NOX4: variants seen among roughly 807,000 people sequenced by gnomAD.
The protein encoded by NOX4 is NADPH oxidase 4.
Under a neutral mutation model 87.6 loss-of-function variants are expected in NOX4, and 69 were observed. The observed-to-expected ratio is 0.79, with a 90% CI of 0.65 to 0.96. NOX4 has a LOEUF of 0.96. NOX4 is among the 40% of genes least tolerant of loss of function. The pLI, the probability that NOX4 is intolerant of heterozygous loss-of-function variation, is 0.00. For synonymous variants in NOX4, 275 were observed against 238.2 expected (o/e 1.15, Z -1.42); for missense variants, 680 against 681.5 (o/e 1.00, Z 0.02).
the NOX4 span, among the ~76,000 whole-genome samples, chr11:89,525,002 C>A: frequency 6.6e-6 from 1 of 151,978 alleles, no homozygotes. Context: ...AAGATTAATA[C>A]AAACTGTTAT....
the NOX4 span, chr11:89,545,111 T>C: frequency 6.6e-6 from 1 of 152,170 alleles, no homozygotes; most frequent in Non-Finnish European, 1.5e-5. Flanking sequence ...ATAGCTTTCA[T>C]TTTTTGTCCC....
intron 16 of NOX4, among the ~76,000 whole-genome samples, chr11:89,336,451 T>A (rs1331765077): frequency 6.6e-6 from 1 of 151,960 alleles, no homozygotes; most frequent in Non-Finnish European, 1.5e-5. Context: ...TACTACAAAT[T>A]GTCATCGTAA....
At chr11:89,477,716 G>C (rs919859540) in intron 2 of NOX4, among the ~76,000 whole-genome samples, 1 of 152,014 alleles carries the variant, frequency 6.6e-6, no homozygotes, top group Non-Finnish European at 1.5e-5. Flanking sequence ...ATAATTCACT[G>C]TTACTCTCCT....
chr11:89,455,594 G>C (rs1945158272), intron 2 of NOX4, among the ~76,000 whole-genome samples: 1 of 151,920 alleles, frequency 6.6e-6, no homozygotes, highest in African/African-American at 2.4e-5. Flanking sequence ...TACAATCTTT[G>C]TGGTTATTTT....
At chr11:89,429,148 TC>T (rs1203141022) in intron 7 of NOX4, among the ~76,000 whole-genome samples, 1 of 152,130 alleles carries the variant, frequency 6.6e-6, no homozygotes, top group Non-Finnish European at 1.5e-5. Context: ...ATAAAGATAT[TC>T]TTTGAAAACA....
chr11:89,513,781 G>A, the NOX4 span, among the ~76,000 whole-genome samples: 1 of 151,984 alleles, frequency 6.6e-6, no homozygotes, highest in Non-Finnish European at 1.5e-5. Context: ...AGATGGATGA[G>A]TAATCTGCTG....
chr11:89,501,019 C>T (rs1300021795), upstream of NOX4, among the ~76,000 whole-genome samples: 1 of 151,938 alleles, frequency 6.6e-6, no homozygotes, highest in Non-Finnish European at 1.5e-5. Flanking sequence ...TATGCCATTA[C>T]AAAACATATG....
chr11:89,584,893 T>C, the NOX4 span, among the ~76,000 whole-genome samples: 1 of 152,156 alleles, frequency 6.6e-6, no homozygotes. Flanking sequence ...AGATTGCTCA[T>C]ATACAATGAT....
At chr11:89,542,298 A>G in the NOX4 span, among the ~76,000 whole-genome samples, 5 of 152,346 alleles carry the variant, frequency 3.3e-5, no homozygotes, top group East Asian at 9.6e-4. Flanking sequence ...TATTATATCT[A>G]TTATATGTCT....
At chr11:89,435,995 T>C (rs1944063166) in intron 6 of NOX4, among the ~76,000 whole-genome samples, 2 of 152,152 alleles carry the variant, frequency 1.3e-5, no homozygotes, top group Admixed American at 1.3e-4. Flanking sequence ...AAGCATACTA[T>C]AATCAGAGTG....
intron 13 of NOX4, among the ~76,000 whole-genome samples, chr11:89,344,177 T>C (rs1946120464): frequency 6.6e-6 from 1 of 151,606 alleles, no homozygotes; most frequent in African/African-American, 2.4e-5. Context: ...CAACATTTAA[T>C]GTTCATATAA....
intron 7 of NOX4, among the ~76,000 whole-genome samples, chr11:89,425,127 C>A (rs1030218223): frequency 6.6e-6 from 1 of 151,962 alleles, no homozygotes; most frequent in Non-Finnish European, 1.5e-5. Context: ...GTCAGATGCT[C>A]TAATTTTCCT....
the NOX4 span, among the ~76,000 whole-genome samples, chr11:89,535,752 T>G: frequency 6.6e-6 from 1 of 152,090 alleles, no homozygotes; most frequent in East Asian, 1.9e-4. Flanking sequence ...TCCAAATTAA[T>G]AATTATAAAC....
the NOX4 span, among the ~76,000 whole-genome samples, chr11:89,522,847 CA>C: frequency 6.6e-6 from 1 of 152,042 alleles, no homozygotes; most frequent in African/African-American, 2.4e-5. Context: ...ATTCAGAAGG[CA>C]AAAGGGAAAC....
At chr11:89,352,629 CA>C (rs1481637525) in intron 13 of NOX4, among the ~76,000 whole-genome samples, 1 of 152,116 alleles carries the variant, frequency 6.6e-6, no homozygotes, top group Non-Finnish European at 1.5e-5. Context: ...GGATAACTTT[CA>C]GGCGTCCATG....
At chr11:89,424,782 C>T (rs1022966487) in intron 7 of NOX4, among the ~76,000 whole-genome samples, 5 of 151,966 alleles carry the variant, frequency 3.3e-5, no homozygotes, top group African/African-American at 1.2e-4. Flanking sequence ...AATTAGGAGG[C>T]TACATTTCAC....
At chr11:89,562,481 G>A in the NOX4 span, among the ~76,000 whole-genome samples, 7 of 151,400 alleles carry the variant, frequency 4.6e-5, no homozygotes, top group East Asian at 3.9e-4. Flanking sequence ...TAACCTGCCC[G>A]TATCTCTCTC....
chr11:89,486,678 GTATATATGTGTATATA>G (rs2135487305), intron 2 of NOX4, among the ~76,000 whole-genome samples: 1 of 57,586 alleles, frequency 1.7e-5, no homozygotes, highest in African/African-American at 1.2e-4. Context: ...ATATATGTGT[GTATATATGTGTATATA>G]TACATATATG....
the NOX4 span, among the ~76,000 whole-genome samples, chr11:89,504,040 A>G: frequency 1.3e-5 from 2 of 151,660 alleles, no homozygotes; most frequent in East Asian, 3.9e-4. Flanking sequence ...GTGGGGTACA[A>G]AATAACAAAA....
Sources: allele counts gnomAD v4.1 joint callset (sites outside exome capture counted in the v4.1 genomes callset), GRCh38; gene constraint gnomAD v4.1.1; transcripts MANE v1.5; gene names NCBI Gene and HGNC (gene_info 2026-07-23, HGNC 2026-07-21).